The following ATP6V1H variants were observed in gnomAD, a reference collection of about 807,000 sequenced individuals.
ATP6V1H encodes V-type proton ATPase subunit H.
ATP6V1H carries 39 observed loss-of-function variants against 71.7 expected under a neutral mutation model. That is an observed-to-expected ratio of 0.54 (90% CI 0.42 to 0.71). The LOEUF (loss-of-function observed/expected upper bound fraction) is 0.71. Ranked by LOEUF, ATP6V1H falls within the 30% of genes least tolerant of loss-of-function variation. The probability of loss-of-function intolerance (pLI) is 0.00; values close to 1 mark genes in which losing one functional copy is unlikely to be tolerated. For synonymous variants in ATP6V1H, 192 were observed against 199.3 expected, an observed-to-expected ratio of 0.96 and a Z score of 0.31; for missense variants, 509 against 594.9, an observed-to-expected ratio of 0.86 and a Z score of 1.50.
intron 11 of ATP6V1H, among the ~76,000 whole-genome samples, chr8:53,766,468 C>A (rs1195239023): frequency 3.9e-5 from 6 of 152,124 alleles, no homozygotes; most frequent in Admixed American, 6.5e-5. Context: ...AATGTGGGCA[C>A]CCTGAAAAAA....
intron 9 of ATP6V1H, among the ~76,000 whole-genome samples, chr8:53,784,016 C>T (rs1809270018): frequency 6.6e-6 from 1 of 152,170 alleles, no homozygotes; most frequent in Non-Finnish European, 1.5e-5. Context: ...AAAGTATATT[C>T]CGTTGATTTG....
chr8:53,726,468 C>CA (rs1433376377), intron 13 of ATP6V1H, among the ~76,000 whole-genome samples: 3 of 152,036 alleles, frequency 2.0e-5, no homozygotes, highest in African/African-American at 7.2e-5. Flanking sequence ...ACAGAGATTT[C>CA]AACAAGGTTT....
chr8:53,822,577 A>AT (rs1810696684), intron 4 of ATP6V1H, among the ~76,000 whole-genome samples: 2 of 152,304 alleles, frequency 1.3e-5, no homozygotes, highest in African/African-American at 4.8e-5. Flanking sequence ...TTTAATAAAA[A>AT]TGCAAACAAA....
At chr8:53,724,013 C>G (rs895606720) in intron 13 of ATP6V1H, among the ~76,000 whole-genome samples, 1 of 152,220 alleles carries the variant, frequency 6.6e-6, no homozygotes, top group Non-Finnish European at 1.5e-5. Context: ...CTACAATTTA[C>G]TATTTTCTAA....
chr8:53,750,167 C>A (rs1807742990), intron 12 of ATP6V1H, among the ~76,000 whole-genome samples: 1 of 152,084 alleles, frequency 6.6e-6, no homozygotes, highest in Admixed American at 6.6e-5. Context: ...TTATTGAGGA[C>A]AAGTATTAAA....
intron 2 of ATP6V1H, 22 bp from the exon 3 acceptor site, chr8:53,833,108 T>C: frequency 6.3e-7 from 1 of 1,582,340 alleles, no homozygotes; most frequent in Non-Finnish European, 8.7e-7. Flanking sequence ...GAATAAGATG[T>C]TTTGTTCAGT....
intron 6 of ATP6V1H, among the ~76,000 whole-genome samples, chr8:53,811,650 T>C (rs568219480): frequency 3.9e-5 from 6 of 152,300 alleles, no homozygotes; most frequent in African/African-American, 9.6e-5. Context: ...GACTTGGTTA[T>C]CCACAGCAAA....
intron 4 of ATP6V1H, among the ~76,000 whole-genome samples, chr8:53,819,547 CATATATATATAT>C (rs34645455): frequency 0.012 from 414 of 35,134 alleles, 25 homozygotes; most frequent in African/African-American, 0.037. Flanking sequence ...AAAAAAAAAG[CATATATATATAT>C]ATATATATAT....
chr8:53,763,693 A>T (rs1213100968), intron 11 of ATP6V1H, among the ~76,000 whole-genome samples: 1 of 152,086 alleles, frequency 6.6e-6, no homozygotes, highest in Non-Finnish European at 1.5e-5. Flanking sequence ...TCCAATCCTC[A>T]CAGCAGGAAA....
chr8:53,769,646 ACCT>A lies in ATP6V1H; in HGVS notation c.1144_1146del (p.Arg382del). The stretch of plus-strand genomic sequence containing the variant: ...AAGAGTTCATAATTCTTCTCATTTA[ACCT>A]CACAGCATTCTCTCTCCAAAATTTC... On this transcript the variant is annotated inframe_deletion, in exon 11 of 14. Transcript: ENST00000359530. 1 of 1,613,026 alleles carries A rather than the reference ACCT, an allele frequency of 6.2e-7. No homozygotes were observed. The highest frequency in any genetic ancestry group is 1.1e-5 in the South Asian group (1 of 90,970).
chr8:53,764,266 G>A (rs1384203607), intron 11 of ATP6V1H, among the ~76,000 whole-genome samples: 1 of 152,054 alleles, frequency 6.6e-6, no homozygotes, highest in Non-Finnish European at 1.5e-5. Context: ...GAACATAGAT[G>A]CAAAAATCCT....
At chr8:53,727,696 G>T (rs1370837796) in intron 13 of ATP6V1H, among the ~76,000 whole-genome samples, 2 of 152,140 alleles carry the variant, frequency 1.3e-5, no homozygotes, top group Non-Finnish European at 2.9e-5. Context: ...CTTTAAATAT[G>T]TCGCTCTAGC....
chr8:53,784,360 C>T (rs910748561), intron 9 of ATP6V1H, among the ~76,000 whole-genome samples: 6 of 152,166 alleles, frequency 3.9e-5, no homozygotes, highest in South Asian at 2.1e-4. Flanking sequence ...GGATTGCAAC[C>T]CCTGCCTTTT....
chr8:53,755,741 TATA>T (rs574299152), intron 12 of ATP6V1H, among the ~76,000 whole-genome samples: 22 of 2,128 alleles, frequency 0.01, no homozygotes, highest in South Asian at 0.025. Flanking sequence ...TATATATATA[TATA>T]TTTTTTTTTT....
intron 12 of ATP6V1H, among the ~76,000 whole-genome samples, chr8:53,754,636 C>A (rs1001179798): frequency 6.6e-6 from 1 of 152,192 alleles, no homozygotes; most frequent in Non-Finnish European, 1.5e-5. Flanking sequence ...TATGACCACA[C>A]CCCTAAAGCG....
At chr8:53,814,616 G>A (rs754739208) in intron 6 of ATP6V1H, 46 bp downstream of exon 6, 56 of 1,017,848 alleles carry the variant, frequency 5.5e-5, no homozygotes, top group Admixed American at 1.7e-4. Flanking sequence ...AAAAGAACAC[G>A]GATGTTATAT....
chr8:53,810,278 T>C (rs1206315867), intron 7 of ATP6V1H, among the ~76,000 whole-genome samples: 1 of 152,240 alleles, frequency 6.6e-6, no homozygotes, highest in African/African-American at 2.4e-5. Flanking sequence ...CATCGTTAAC[T>C]TGTCCAAACT....
intron 12 of ATP6V1H, among the ~76,000 whole-genome samples, chr8:53,750,947 C>CT (rs111421634): frequency 0.029 from 4,479 of 152,244 alleles, 220 homozygotes; most frequent in African/African-American, 0.1. Flanking sequence ...AAGCATGACT[C>CT]TAAGTGTTTT....
At chr8:53,838,617 C>A (rs1317260411) in intron 2 of ATP6V1H, among the ~76,000 whole-genome samples, 1 of 152,096 alleles carries the variant, frequency 6.6e-6, no homozygotes, top group Non-Finnish European at 1.5e-5. Context: ...GATTTAAACT[C>A]ATGAGCAAGG....
Sources: gnomAD v4.1 joint callset for allele counts (sites outside exome capture counted in the v4.1 genomes callset) on GRCh38, gnomAD v4.1.1 for gene constraint, MANE v1.5 for transcripts, NCBI Gene and HGNC (gene_info 2026-07-23, HGNC 2026-07-21) for gene names.